Variants in TSHZ2 observed in about 807,000 individuals in gnomAD.
TSHZ2 encodes teashirt homolog 2.
Under a neutral mutation model 74.4 loss-of-function variants are expected in TSHZ2, and 21 were observed. That is an observed-to-expected ratio of 0.28 (90% confidence interval 0.20 to 0.41). The LOEUF (loss-of-function observed/expected upper bound fraction) is 0.41. Among genes scored for constraint, TSHZ2 ranks in the 10% least tolerant of loss-of-function variants. The probability of loss-of-function intolerance (pLI) is 1.00; values close to 1 mark genes in which losing one functional copy is unlikely to be tolerated. For missense variants in TSHZ2, 1,244 were observed against 1,293.5 expected, an observed-to-expected ratio of 0.96 and a Z score of 0.59; for synonymous variants, 540 against 515.3, an observed-to-expected ratio of 1.05 and a Z score of -0.65.
At chr20:53,135,944 G>A (rs1399809738) in intron 1 of TSHZ2, among the ~76,000 whole-genome samples, 3 of 152,200 alleles carry the variant, frequency 2.0e-5, no homozygotes, top group Non-Finnish European at 4.4e-5. Flanking sequence ...TTTAGGTAGT[G>A]TATTCGTGTG....
intron 2 of TSHZ2, among the ~76,000 whole-genome samples, chr20:53,473,955 G>GA (rs905432730): frequency 6.6e-6 from 1 of 151,924 alleles, no homozygotes; most frequent in African/African-American, 2.4e-5. Context: ...GAAGTTTAGA[G>GA]AAAAAAGAAT....
At chr20:53,395,874 C>T (rs1982425452) in intron 2 of TSHZ2, among the ~76,000 whole-genome samples, 1 of 152,214 alleles carries the variant, frequency 6.6e-6, no homozygotes, top group Non-Finnish European at 1.5e-5. Flanking sequence ...GTTCCAATAG[C>T]ATGCAACATG....
Position 53,285,979 on chromosome 20 carries a change from CAG to C in TSHZ2, c.*8+29411_*8+29412del, listed in dbSNP as rs1208573778. 4.0e-5 allele frequency among the ~76,000 whole-genome samples: 6 copies of C among 151,226 alleles called. No homozygotes were observed. The East Asian group carries it at 5.8e-4, about 15-fold the overall frequency. ...CTTTGGGTATTTGGGGAAGGGAAAA[CAG>C]AGGTTTTTTTTTAAATTGCTACATA... On this transcript the variant is annotated intron_variant, in intron 2 of 2. Coordinates refer to ENST00000371497, the MANE Select transcript of TSHZ2 (RefSeq NM_173485.6).
intron 2 of TSHZ2, among the ~76,000 whole-genome samples, chr20:53,469,919 A>AAGGCAGGC (rs542838293): frequency 1.7e-4 from 17 of 101,322 alleles, no homozygotes; most frequent in East Asian, 1.2e-3. Context: ...GGAAGGAAGG[A>AAGGCAGGC]AGGCAGGCAG....
intron 1 of TSHZ2, among the ~76,000 whole-genome samples, chr20:53,164,438 G>A (rs1292351343): frequency 6.6e-5 from 10 of 150,658 alleles, no homozygotes; most frequent in South Asian, 2.1e-4. Context: ...AAAAAAAAAA[G>A]GAATATACAT....
intron 1 of TSHZ2, among the ~76,000 whole-genome samples, chr20:53,195,510 A>G (rs1988842236): frequency 6.6e-6 from 1 of 152,138 alleles, no homozygotes; most frequent in Non-Finnish European, 1.5e-5. Context: ...ATGGTGCTTG[A>G]GGGGCTCAGG....
chr20:53,256,715 C>T lies in TSHZ2; in HGVS notation c.*8+144C>T. The T allele has an allele frequency of 7.4e-7, 1 of 1,344,844 alleles. No individual in the cohort carries two copies. Among genetic ancestry groups the T allele is most frequent in the Non-Finnish European group, 9.8e-7 (1 of 1,024,962 alleles). 83.3% of individuals were successfully genotyped at this position (1,344,844 alleles called of 1,614,324 possible). A position where few individuals can be genotyped will look rare whatever the true frequency, so the allele number is the denominator to read the frequency against. On this transcript the variant is annotated intron_variant, in intron 2 of 2. Transcript: ENST00000371497. This position sits in a 1 kb window ranked among gnomAD's most constrained non-coding sequence, Gnocchi z 4.3. ...AGTAGGATTTATTTTAATGAAAGAC[C>T]AGAACATGAAAACTAAGTCCTAATC...
intron 2 of TSHZ2, among the ~76,000 whole-genome samples, chr20:53,334,389 C>T (rs1163947737): frequency 6.6e-6 from 1 of 152,014 alleles, no homozygotes; most frequent in Non-Finnish European, 1.5e-5. Context: ...GGGGAAGGAG[C>T]ATTCTAAGTG....
At chr20:53,089,341 T>TTTTTTTTTTTTTTTTTTTTTTTA (rs370108566) in intron 1 of TSHZ2, among the ~76,000 whole-genome samples, 1 of 129,742 alleles carries the variant, frequency 7.7e-6, no homozygotes, top group African/African-American at 2.8e-5. Context: ...TTTTTTTTTT[T>TTTTTTTTTTTTTTTTTTTTTTTA]ATTAAACAGA....
At chr20:53,429,831 G>A (rs1983777700) in intron 2 of TSHZ2, among the ~76,000 whole-genome samples, 1 of 152,150 alleles carries the variant, frequency 6.6e-6, no homozygotes, top group Non-Finnish European at 1.5e-5. Flanking sequence ...TTGTGTGTGT[G>A]TGTGTCAGGG....
chr20:52,988,671 A>G (rs914667032), intron 1 of TSHZ2, among the ~76,000 whole-genome samples: 2 of 152,166 alleles, frequency 1.3e-5, no homozygotes, highest in Non-Finnish European at 2.9e-5. Flanking sequence ...AAGAAAAAGA[A>G]TAAAGACTTT....
intron 2 of TSHZ2, among the ~76,000 whole-genome samples, chr20:53,262,157 CCAAA>C (rs1269237359): frequency 2.6e-5 from 4 of 152,036 alleles, no homozygotes; most frequent in Non-Finnish European, 4.4e-5. Context: ...CAACCTGCCA[CCAAA>C]CAAACAGAGA....
At chr20:52,997,262 G>GT (rs1555813120) in intron 1 of TSHZ2, among the ~76,000 whole-genome samples, 29 of 135,516 alleles carry the variant, frequency 2.1e-4, no homozygotes, top group African/African-American at 5.8e-4. Flanking sequence ...CTTGCCCCGG[G>GT]GGGGGGTTCA....
At chr20:53,162,579 C>T (rs544433952) in intron 1 of TSHZ2, among the ~76,000 whole-genome samples, 2 of 152,236 alleles carry the variant, frequency 1.3e-5, no homozygotes, top group Admixed American at 6.5e-5. Context: ...TTACCTTCCA[C>T]TGCCAGTGTC....
At chr20:53,073,357 T>C (rs1430207532) in intron 1 of TSHZ2, among the ~76,000 whole-genome samples, 1 of 138,348 alleles carries the variant, frequency 7.2e-6, no homozygotes, top group Non-Finnish European at 1.6e-5. Flanking sequence ...TTCCTTCATC[T>C]GTCCCTCCCT....
chr20:53,090,149 G>A (rs1985833668), intron 1 of TSHZ2, among the ~76,000 whole-genome samples: 1 of 152,196 alleles, frequency 6.6e-6, no homozygotes, highest in African/African-American at 2.4e-5. Flanking sequence ...TCCAGCACAG[G>A]AGAAAGATGA....
intron 1 of TSHZ2, among the ~76,000 whole-genome samples, chr20:53,088,774 T>TG (rs1177633154): frequency 6.6e-6 from 1 of 151,916 alleles, no homozygotes; most frequent in African/African-American, 2.4e-5. Flanking sequence ...AGAAAGAGAG[T>TG]GCTTTGGCAT....
chr20:53,189,432 T>C (rs749609645), intron 1 of TSHZ2, among the ~76,000 whole-genome samples: 4 of 152,228 alleles, frequency 2.6e-5, no homozygotes, highest in Non-Finnish European at 4.4e-5. Context: ...TTTTTCTGTT[T>C]GCTTGTTTTC....
chr20:53,276,610 A>C (rs1182754022), intron 2 of TSHZ2, among the ~76,000 whole-genome samples: 1 of 152,224 alleles, frequency 6.6e-6, no homozygotes, highest in Non-Finnish European at 1.5e-5. Context: ...TAAAAGAAAT[A>C]ATCCAGATAA....
Sources: gnomAD v4.1 joint callset for allele counts (sites outside exome capture counted in the v4.1 genomes callset) on GRCh38, gnomAD v4.1.1 for gene constraint, Gnocchi (gnomAD v3.1) non-coding constraint, MANE v1.5 for transcripts, NCBI Gene and HGNC (gene_info 2026-07-23, HGNC 2026-07-21) for gene names.